The following ZCCHC7 variants were observed in gnomAD, a reference collection of about 807,000 sequenced individuals.
ZCCHC7 encodes zinc finger CCHC domain-containing protein 7.
In ZCCHC7, 35 loss-of-function variants were observed where a neutral mutation model predicts 52.0. That is an observed-to-expected ratio of 0.67 (90% CI 0.51 to 0.89). The LOEUF (loss-of-function observed/expected upper bound fraction) is 0.89. ZCCHC7 is among the 40% of genes least tolerant of loss of function. The pLI, the probability that ZCCHC7 is intolerant of heterozygous loss-of-function variation, is 0.00. For missense variants in ZCCHC7, 574 were observed against 649.1 expected (o/e 0.88, Z 1.26); for synonymous variants, 217 against 221.5 (o/e 0.98, Z 0.18).
intron 6 of ZCCHC7, among the ~76,000 whole-genome samples, chr9:37,347,261 T>C (rs1390927557): frequency 6.6e-6 from 1 of 152,206 alleles, no homozygotes; most frequent in Non-Finnish European, 1.5e-5. Flanking sequence ...TTTCCCATTC[T>C]ATAAACAGAT....
intron 2 of ZCCHC7, among the ~76,000 whole-genome samples, chr9:37,222,828 C>T (rs1011400963): frequency 6.6e-6 from 1 of 152,044 alleles, no homozygotes; most frequent in Non-Finnish European, 1.5e-5. Context: ...ATAAAATAGT[C>T]TAAGAAACCA....
chr9:37,348,981 GA>G (rs1236566569), intron 6 of ZCCHC7, among the ~76,000 whole-genome samples: 3 of 152,232 alleles, frequency 2.0e-5, no homozygotes, highest in Non-Finnish European at 4.4e-5. Context: ...GCTGGTGGGG[GA>G]GTCCCCCTCA....
intron 5 of ZCCHC7, among the ~76,000 whole-genome samples, chr9:37,319,801 T>C (rs779087181): frequency 2.6e-5 from 4 of 152,216 alleles, no homozygotes; most frequent in Non-Finnish European, 5.9e-5. Context: ...AGTTAAACTT[T>C]GTATAATGTG....
chr9:37,272,721 G>T (rs1399121012), intron 2 of ZCCHC7, among the ~76,000 whole-genome samples: 2 of 151,998 alleles, frequency 1.3e-5, no homozygotes, highest in Admixed American at 1.3e-4. Flanking sequence ...GTATATTCAT[G>T]TATGTATAAT....
intron 2 of ZCCHC7, among the ~76,000 whole-genome samples, chr9:37,171,280 GAGAACCAAGGTGGC>G (rs1405774984): frequency 6.6e-6 from 1 of 152,166 alleles, no homozygotes; most frequent in Non-Finnish European, 1.5e-5. Flanking sequence ...GTGTAGTGGA[GAGAACCAAGGTGGC>G]AGAATTCCAG....
chr9:37,245,859 T>G (rs559154104), intron 2 of ZCCHC7, among the ~76,000 whole-genome samples: 2 of 152,060 alleles, frequency 1.3e-5, no homozygotes, highest in Admixed American at 6.6e-5. Context: ...TTGCTATTGC[T>G]TAAGAGATTT....
chr9:37,158,241 A>G (rs1043013154), intron 2 of ZCCHC7, among the ~76,000 whole-genome samples: 1 of 152,228 alleles, frequency 6.6e-6, no homozygotes, highest in African/African-American at 2.4e-5. Flanking sequence ...CTTAGAAACC[A>G]ATTAAAATGC....
In ZCCHC7 at chr9:37,209,450, A is replaced by G. The variant is rs547844426; in HGVS notation, c.610+82508A>G. Among the ~76,000 whole-genome samples, 8 of 151,876 alleles carry G rather than the reference A, an allele frequency of 5.3e-5. No individual in the cohort carries two copies. The South Asian group carries it at 1.2e-3, about 24-fold the overall frequency. ...AATATTTACATGGCTGTCTTCCTCA[A>G]TTTTTTCAATCTTGCTCAAATATCA... On this transcript the variant is annotated intron_variant, in intron 2 of 8. Coordinates refer to ENST00000336755, the MANE Select transcript of ZCCHC7 (RefSeq NM_032226.3).
At chr9:37,212,021 C>T (rs569648608) in intron 2 of ZCCHC7, among the ~76,000 whole-genome samples, 29 of 72,718 alleles carry the variant, frequency 4.0e-4, no homozygotes, top group East Asian at 1.0e-3. Context: ...AGCGAGACTC[C>T]GTCTCAAAAA....
chr9:37,343,455 A>G (rs1037985860), intron 6 of ZCCHC7, among the ~76,000 whole-genome samples: 1 of 152,076 alleles, frequency 6.6e-6, no homozygotes, highest in Non-Finnish European at 1.5e-5. Flanking sequence ...TCTTTCATCT[A>G]TTATCTCCGT....
intron 2 of ZCCHC7, among the ~76,000 whole-genome samples, chr9:37,254,837 CTTTTT>C (rs59489076): frequency 5.3e-5 from 5 of 93,472 alleles, no homozygotes; most frequent in African/African-American, 8.0e-5. Flanking sequence ...CAAAAAGTTT[CTTTTT>C]TTTTTTTTTT....
intron 7 of ZCCHC7, among the ~76,000 whole-genome samples, chr9:37,349,973 A>G (rs756217027): frequency 6.6e-6 from 1 of 150,798 alleles, no homozygotes; most frequent in Non-Finnish European, 1.5e-5. Context: ...TTGTTAGTAG[A>G]GATGGGGTTT....
intron 2 of ZCCHC7, among the ~76,000 whole-genome samples, chr9:37,150,781 T>A (rs1820476654): frequency 6.6e-6 from 1 of 152,176 alleles, no homozygotes; most frequent in African/African-American, 2.4e-5. Flanking sequence ...AAGTTTGTTT[T>A]ATGAGTTTTT....
intron 2 of ZCCHC7, among the ~76,000 whole-genome samples, chr9:37,260,410 C>A (rs1039727191): frequency 1.3e-5 from 2 of 152,206 alleles, no homozygotes; most frequent in African/African-American, 2.4e-5. Context: ...TGACATATTT[C>A]CTCTGTTCTG....
intron 2 of ZCCHC7, among the ~76,000 whole-genome samples, chr9:37,170,629 G>A (rs544822995): frequency 6.6e-6 from 1 of 152,214 alleles, no homozygotes; most frequent in South Asian, 2.1e-4. Flanking sequence ...GAAACCAAAT[G>A]GTCTGAGTTC....
At chr9:37,229,914 A>C (rs1375948632) in intron 2 of ZCCHC7, among the ~76,000 whole-genome samples, 1 of 152,224 alleles carries the variant, frequency 6.6e-6, no homozygotes, top group Non-Finnish European at 1.5e-5. Flanking sequence ...TTTTTTCTAA[A>C]GATTTTTAAT....
intron 2 of ZCCHC7, among the ~76,000 whole-genome samples, chr9:37,174,017 A>C (rs1417184803): frequency 6.6e-6 from 1 of 152,196 alleles, no homozygotes; most frequent in Non-Finnish European, 1.5e-5. Flanking sequence ...TATTACAAAA[A>C]TTCGATGAGT....
At chr9:37,156,615 T>C (rs1820828027) in intron 2 of ZCCHC7, among the ~76,000 whole-genome samples, 1 of 152,226 alleles carries the variant, frequency 6.6e-6, no homozygotes, top group South Asian at 2.1e-4. Flanking sequence ...GCTGAAACTA[T>C]TAAATTCTTT....
Position 37,212,940 on chromosome 9 carries a change from C to T in ZCCHC7, c.610+85998C>T, listed in dbSNP as rs147005264. Among the ~76,000 whole-genome samples, 295 of 152,086 alleles carry T rather than the reference C, an allele frequency of 1.9e-3. 3 individuals carry two copies. The highest frequency in any genetic ancestry group is 4.3e-3 in the African/African-American group (179 of 41,488). On this transcript the variant is annotated intron_variant, in intron 2 of 8. Transcript: ENST00000336755. ...TTTTTCACTTTTACTATGTAAGTTT[C>T]CCTGGTTGATAGAGGGCTTGACTTT... is the stretch of plus-strand genomic sequence containing the variant.
Sources: gnomAD v4.1 joint callset for allele counts (sites outside exome capture counted in the v4.1 genomes callset) on GRCh38, gnomAD v4.1.1 for gene constraint, MANE v1.5 for transcripts, NCBI Gene and HGNC (gene_info 2026-07-23, HGNC 2026-07-21) for gene names.